The following PCIF1 variants were observed in gnomAD, a reference collection of about 807,000 sequenced individuals.
The protein encoded by PCIF1 is phosphorylated CTD interacting factor 1.
A neutral mutation model predicts 86.9 loss-of-function variants in PCIF1; 12 were observed. The ratio of observed to expected loss-of-function variants is 0.14; its 90% CI spans 0.09 to 0.22. PCIF1 has a LOEUF of 0.22. Ranked by LOEUF, PCIF1 falls within the 10% of genes least tolerant of loss-of-function variation. PCIF1 has a pLI of 1.00. For missense variants in PCIF1, 701 were observed against 951.1 expected, an observed-to-expected ratio of 0.74 and a Z score of 3.46; for synonymous variants, 397 against 372.0, an observed-to-expected ratio of 1.07 and a Z score of -0.77.
At chr20:45,945,620 A>T in intron 11 of PCIF1, 91 bp from the exon 12 acceptor site, 25 of 1,456,216 alleles carry the variant, frequency 1.7e-5, no homozygotes, top group Non-Finnish European at 2.3e-5. Flanking sequence ...GTGGAATGGG[A>T]CTTCCCTCTC....
At chr20:45,939,973 C>T (rs2083455949) in intron 4 of PCIF1, among the ~76,000 whole-genome samples, 1 of 152,152 alleles carries the variant, frequency 6.6e-6, no homozygotes, top group Admixed American at 6.5e-5. Flanking sequence ...TGGCACGAGA[C>T]CTCACAGTAA....
chr20:45,942,688 C>T (rs1055484424), intron 7 of PCIF1, among the ~76,000 whole-genome samples: 8 of 151,594 alleles, frequency 5.3e-5, no homozygotes, highest in African/African-American at 1.9e-4. Flanking sequence ...GACCACAGCT[C>T]ACAGCAGCTT....
intron 1 of PCIF1, among the ~76,000 whole-genome samples, chr20:45,935,467 A>C (rs1701693156): frequency 6.6e-6 from 1 of 152,158 alleles, no homozygotes; most frequent in Admixed American, 6.5e-5. Context: ...GGATAAATAA[A>C]GACGTTAACT....
At position 45,947,616 on chromosome 20, in the gene PCIF1, G is replaced by A. The variant is rs1394436152; in HGVS notation, c.1976G>A (p.Arg659Gln). The change falls in exon 17 of 17, where the codon CGG becomes CAG. Residue 659 changes from arginine (R) to glutamine (Q), a missense_variant. Physicochemically the swap from Arg to Gln is conservative, Grantham distance 43. This residue lies in a region of PCIF1 where 174 missense variants were observed against 206.9 expected (regional missense o/e 0.84). Transcript: ENST00000372409. This position sits in a 1 kb window ranked among gnomAD's most constrained non-coding sequence, Gnocchi z 5.4. ...GFAKWAPTPE[R>Q]LQELSAAYRQ... ...GCCAAGTGGGCGCCGACGCCTGAAC[G>A]GCTGCAGGAGCTGAGTGCTGCCTAC... 13 of 1,612,798 alleles carry A rather than the reference G, an allele frequency of 8.1e-6. No individual in the cohort carries two copies. The highest frequency in any genetic ancestry group is 1.3e-5 in the African/African-American group (1 of 74,948).
Position 45,937,457 on chromosome 20 carries a change from A to G in PCIF1, c.-148A>G. On this transcript the variant is annotated 5_prime_UTR_variant, in exon 2 of 17. Transcript: ENST00000372409. ...AATCCCCTGGGCTCCCGTCCACTCC[A>G]CTGCTGACCAGCCCATTCGCCTGTG... The G allele has an allele frequency of 2.5e-6, 1 of 399,152 alleles. No individual in the cohort carries two copies. The highest frequency in any genetic ancestry group is 4.4e-6 in the Non-Finnish European group (1 of 226,218). The allele number at this position is 399,152 out of a possible 1,614,324, so 24.7% of individuals were successfully genotyped here.
intron 1 of PCIF1, among the ~76,000 whole-genome samples, chr20:45,935,317 T>C (rs2083413379): frequency 6.6e-6 from 1 of 152,142 alleles, no homozygotes; most frequent in South Asian, 2.1e-4. Flanking sequence ...ATTGCGGAGA[T>C]GGTCCCGCCC....
In PCIF1 at chr20:45,945,801, A is replaced by G. The variant is rs2083519503; in HGVS notation, c.1259A>G (p.Glu420Gly). 1.9e-6 allele frequency: 3 copies of G among 1,613,864 alleles called. No homozygotes were observed. The highest frequency in any genetic ancestry group is 2.5e-6 in the Non-Finnish European group (3 of 1,180,020). ...TCTGCACCGCCCATGCCCAGCGTGG[A>G]GATGCACATGGAGAACAACGTGGTC... ...AVSAPPMPSVEMHMENNVVCI... is the reference protein window; with the variant it reads ...AVSAPPMPSVGMHMENNVVCI... Residue 420 changes from glutamate to glycine, a missense_variant, in exon 12 of 17, where the codon GAG becomes GGG. Transcript: ENST00000372409.
In PCIF1 at chr20:45,943,868, G is replaced by A. The variant is rs182330515; in HGVS notation, c.1005+103G>A. ...CAGGCTGGGCAAGGCCTCCCCCAGC[G>A]GCCTATTCTTGTGCAGTATGGCAGA... On this transcript the variant is annotated intron_variant, in intron 10 of 16. Coordinates refer to ENST00000372409, the MANE Select transcript of PCIF1 (RefSeq NM_022104.4). The surrounding 1 kb of genome is among the most constrained non-coding windows in gnomAD (Gnocchi z 5.5). 2.2e-6 allele frequency: 2 copies of A among 909,244 alleles called. No homozygotes were observed. The highest frequency in any genetic ancestry group is 3.4e-6 in the Non-Finnish European group (2 of 586,702). 56.3% of individuals were successfully genotyped at this position (909,244 alleles called of 1,614,324 possible). A position where few individuals can be genotyped will look rare whatever the true frequency, so the allele number is the denominator to read the frequency against.
chr20:45,947,218 C>A lies in PCIF1; in HGVS notation c.1708-45C>A, dbSNP rs775929052. The A allele has an allele frequency of 1.2e-6, 2 of 1,600,520 alleles. No individual in the cohort carries two copies. The highest frequency in any genetic ancestry group is 2.7e-5 in the African/African-American group (2 of 74,692). ...GGGCAACAGGCAGGATTGCCAGCCACCTGGGAGGTAGTCCCTGACATCCAC... is the reference window on the plus strand; with the variant it reads ...GGGCAACAGGCAGGATTGCCAGCCAACTGGGAGGTAGTCCCTGACATCCAC... On this transcript the variant is annotated intron_variant, in intron 15 of 16. Transcript: ENST00000372409. This position sits in a 1 kb window ranked among gnomAD's most constrained non-coding sequence, Gnocchi z 5.4.
intron 11 of PCIF1, among the ~76,000 whole-genome samples, chr20:45,945,391 G>A (rs1451214412): frequency 1.3e-5 from 2 of 152,282 alleles, no homozygotes; most frequent in South Asian, 2.1e-4. Context: ...TCGCTATTAC[G>A]ATGACGGCGA....
At position 45,947,991 on chromosome 20, in the gene PCIF1, T is replaced by C. The variant is rs986386593; in HGVS notation, c.*236T>C. Reference sequence around the variant, plus strand: ...TCACCCTGTTGCCACCTTGTTTCATTTGTAAAAGGAAATACAGAAACCCCC... The same window carrying C: ...TCACCCTGTTGCCACCTTGTTTCATCTGTAAAAGGAAATACAGAAACCCCC... On this transcript the variant is annotated 3_prime_UTR_variant, in exon 17 of 17. Coordinates refer to ENST00000372409, the MANE Select transcript of PCIF1 (RefSeq NM_022104.4). The surrounding 1 kb of genome is among the most constrained non-coding windows in gnomAD (Gnocchi z 5.4). The C allele has an allele frequency of 6.6e-7, 1 of 1,517,160 alleles. No homozygotes were observed. The highest frequency in any genetic ancestry group is 1.4e-5 in the African/African-American group (1 of 72,472). The allele number at this position is 1,517,160 out of a possible 1,614,324, so 94.0% of individuals were successfully genotyped here.
chr20:45,941,960 C>CT (rs74176836), intron 7 of PCIF1, among the ~76,000 whole-genome samples: 15,123 of 136,526 alleles, frequency 0.11, 966 homozygotes, highest in East Asian at 0.32. Context: ...GGCCTTTCAC[C>CT]TTTTTTTTTT....
rs2083498520 is a variant in PCIF1 at position 45,943,906 on chromosome 20, G to GT, written c.1005+142dup. ...GCAGTATGGCAGACGTTCGACATTC[G>GT]TCAGTCCCCAAACTCATGACTGTGG... On this transcript the variant is annotated intron_variant, in intron 10 of 16. Transcript: ENST00000372409. The surrounding 1 kb of genome is among the most constrained non-coding windows in gnomAD (Gnocchi z 5.5). 4 of 626,878 alleles carry GT rather than the reference G, an allele frequency of 6.4e-6. No individual in the cohort carries two copies. In the South Asian group the frequency reaches 7.7e-5, roughly 12 times the overall value. The allele number at this position is 626,878 out of a possible 1,614,324, so 38.8% of individuals were successfully genotyped here.
intron 14 of PCIF1, 75 bp from the exon 15 acceptor site, chr20:45,946,998 G>C: frequency 7.7e-7 from 1 of 1,296,762 alleles, no homozygotes; most frequent in Non-Finnish European, 1.1e-6. Context: ...GCTGCCTAGG[G>C]TTGGGGGGTG....
In PCIF1 at chr20:45,947,329, C is replaced by G. The variant is rs1427246393; in HGVS notation, c.1774C>G (p.Pro592Ala). The part of the protein sequence containing the change: ...IVFIPEWREP[P>A]TPALTRMEQS... The stretch of plus-strand genomic sequence containing the variant: ...GTTCATCCCTGAGTGGCGGGAACCC[C>G]CAACACCAGCGCTCACCCGCATGGA... The change falls in exon 16 of 17, where the codon CCA (proline) becomes GCA (alanine). Residue 592 changes from proline to alanine, a missense_variant. By Grantham distance (27) the Pro-to-Ala change is conservative (BLOSUM62 -1). Coordinates refer to ENST00000372409, the MANE Select transcript of PCIF1 (RefSeq NM_022104.4). The surrounding 1 kb of genome is among the most constrained non-coding windows in gnomAD (Gnocchi z 5.4). 1 of 1,614,012 alleles carries G rather than the reference C, an allele frequency of 6.2e-7. No homozygotes were observed. Among genetic ancestry groups the G allele is most frequent in the South Asian group, 1.1e-5 (1 of 91,082 alleles).
In PCIF1 at chr20:45,939,223, G is replaced by C; in HGVS notation, c.133G>C (p.Val45Leu). The C allele has an allele frequency of 6.2e-7, 1 of 1,613,950 alleles. No homozygotes were observed. Among genetic ancestry groups the C allele is most frequent in the Non-Finnish European group, 8.5e-7 (1 of 1,180,020 alleles). ...RLVQDLPEEL[V>L]HAGWEKCWSR... ...TCCGTGCCTGTTTGCAGAGGAGCTG[G>C]TGCATGCAGGCTGGGAGAAGTGCTG... The change falls in exon 4 of 17, where the codon GTG becomes CTG. Residue 45 changes from valine (V) to leucine (L), a missense_variant. Physicochemically the swap from Val to Leu is conservative, Grantham distance 32. This residue lies in a region of PCIF1 where 60 missense variants were observed against 58.6 expected (regional missense o/e 1.02). Transcript: ENST00000372409.
chr20:45,942,861 C>T (rs1288476366), intron 7 of PCIF1, among the ~76,000 whole-genome samples: 1 of 148,760 alleles, frequency 6.7e-6, no homozygotes, highest in Non-Finnish European at 1.5e-5. Context: ...TGTCCTTCCA[C>T]CTTAGCCTTC....
chr20:45,940,536 C>G lies in PCIF1; in HGVS notation c.311C>G (p.Pro104Arg). ...LPQDSSLVET[P>R]PAENKPRKRQ... ...CAAGACTCAAGCTTGGTGGAAACTC[C>G]CCCGGCTGAGAACAAGCCCAGAAAG... The change falls in exon 5 of 17, where the codon CCC (proline) becomes CGC (arginine). Residue 104 changes from proline (P) to arginine (R), a missense_variant. Pro to Arg is a moderately radical substitution (Grantham distance 103). Transcript: ENST00000372409. 1.2e-6 allele frequency: 2 copies of G among 1,608,388 alleles called. No individual in the cohort carries two copies. Among genetic ancestry groups the G allele is most frequent in the South Asian group, 1.1e-5 (1 of 90,188 alleles).
rs920996506 is a variant in PCIF1 at position 45,940,259 on chromosome 20, T to C, written c.250-216T>C. ...GGTGATGTAGGGATTAGCATGGCCA[T>C]TCTGAAGGTGAGAGAACTGGAAGGG... On this transcript the variant is annotated intron_variant, in intron 4 of 16. Transcript: ENST00000372409. 2.6e-5 allele frequency among the ~76,000 whole-genome samples: 4 copies of C among 152,214 alleles called. No homozygotes were observed. In the East Asian group the frequency reaches 7.7e-4, roughly 29 times the overall value.
Sources: gnomAD v4.1 joint callset for allele counts (sites outside exome capture counted in the v4.1 genomes callset) on GRCh38, gnomAD v4.1.1 for gene constraint, gnomAD v4.1.1 regional missense constraint, Gnocchi (gnomAD v3.1) non-coding constraint, MANE v1.5 for transcripts, NCBI Gene and HGNC (gene_info 2026-07-23, HGNC 2026-07-21) for gene names.